Variants in SLC14A2 observed in about 807,000 individuals in gnomAD.
SLC14A2 encodes the protein urea transporter 2.
SLC14A2 carries 91 observed loss-of-function variants against 104.6 expected under a neutral mutation model. The ratio of observed to expected loss-of-function variants is 0.87; its 90% confidence interval spans 0.73 to 1.04. The LOEUF (loss-of-function observed/expected upper bound fraction) is 1.04, where lower values mean the gene tolerates loss of function less well. Ranked by LOEUF, SLC14A2 falls within the 50% of genes least tolerant of loss-of-function variation. The probability of loss-of-function intolerance (pLI) is 0.00; values close to 1 mark genes in which losing one functional copy is unlikely to be tolerated. For synonymous variants in SLC14A2, 476 were observed against 466.4 expected, an observed-to-expected ratio of 1.02 and a Z score of -0.27; for missense variants, 1,189 against 1,156.0, an observed-to-expected ratio of 1.03 and a Z score of -0.41.
At chr18:45,365,564 T>C (rs1349037535) in intron 1 of SLC14A2, among the ~76,000 whole-genome samples, 1 of 152,234 alleles carries the variant, frequency 6.6e-6, no homozygotes, top group East Asian at 1.9e-4. Flanking sequence ...TTCTTGGTCT[T>C]GGTTGTCTTC....
Position 45,403,830 on chromosome 18 carries a change from C to T in SLC14A2, c.-124-79403C>T, listed in dbSNP as rs148195527. 2.0e-5 allele frequency among the ~76,000 whole-genome samples: 3 copies of T among 151,828 alleles called. No individual in the cohort carries two copies. The East Asian group carries it at 5.8e-4, about 29-fold the overall frequency. Reference sequence around the variant, plus strand: ...GAGTCAGATTGCATCACCTAGCTCCCCTGCTTAAGATGCCTCAGTGACTCC... The same window carrying T: ...GAGTCAGATTGCATCACCTAGCTCCTCTGCTTAAGATGCCTCAGTGACTCC... On this transcript the variant is annotated intron_variant, in intron 1 of 20. Transcript: ENST00000586448.
Position 45,245,780 on chromosome 18 carries a change from T to A in SLC14A2, c.-125+32589T>A, listed in dbSNP as rs1188062114. On this transcript the variant is annotated intron_variant, in intron 1 of 20. Transcript: ENST00000586448. ...TACTATCCACTCACTCAGTCACCAA[T>A]CATCCATTTCTAATTATTCATTCAT... Among the ~76,000 whole-genome samples the A allele has an allele frequency of 2.0e-5, 3 of 152,238 alleles. No individual in the cohort carries two copies. The East Asian group carries it at 5.8e-4, about 29-fold the overall frequency.
the SLC14A2 span, among the ~76,000 whole-genome samples, chr18:45,197,397 G>A: frequency 6.7e-6 from 1 of 149,866 alleles, no homozygotes; most frequent in Admixed American, 6.6e-5. Flanking sequence ...AGTAAGAGAA[G>A]TGAGAGCCTA....
intron 18 of SLC14A2, 21 bp from the exon 19 acceptor site, chr18:45,678,954 C>CTTTTTTTT (rs72437878): frequency 1.1e-4 from 156 of 1,436,410 alleles, no homozygotes; most frequent in East Asian, 8.3e-4. Context: ...CTATTTCTTT[C>CTTTTTTTT]TTTTTTTTTT....
intron 1 of SLC14A2, among the ~76,000 whole-genome samples, chr18:45,370,652 G>A (rs1252077192): frequency 6.6e-6 from 1 of 152,082 alleles, no homozygotes; most frequent in Non-Finnish European, 1.5e-5. Context: ...CGCCCAGAAA[G>A]AGTGCACTTC....
At chr18:45,507,693 C>A (rs1422612625) in intron 2 of SLC14A2, among the ~76,000 whole-genome samples, 2 of 152,144 alleles carry the variant, frequency 1.3e-5, no homozygotes, top group African/African-American at 2.4e-5. Context: ...GCTTCTGCTG[C>A]CGTTTGGGGA....
intron 1 of SLC14A2, among the ~76,000 whole-genome samples, chr18:45,455,669 A>C (rs1352790677): frequency 4.0e-5 from 6 of 151,170 alleles, no homozygotes; most frequent in Non-Finnish European, 7.4e-5. Context: ...AAGTAAAAAA[A>C]AAATCTATTG....
rs541236432 is a variant in SLC14A2, at chr18:45,510,954, T to G, written c.-35+27632T>G. Among the ~76,000 whole-genome samples the G allele has an allele frequency of 5.9e-5, 9 of 152,338 alleles. No homozygotes were observed. The South Asian group carries it at 1.9e-3, about 32-fold the overall frequency. ...AAATGCTGTTATTTTTAATAAGACT[T>G]CTTTTTCCCCCTCCTCTCCTGAAAA... is the stretch of plus-strand genomic sequence containing the variant. On this transcript the variant is annotated intron_variant, in intron 2 of 20. Transcript: ENST00000586448.
intron 1 of SLC14A2, among the ~76,000 whole-genome samples, chr18:45,287,410 G>T (rs2084825323): frequency 6.6e-6 from 1 of 152,248 alleles, no homozygotes; most frequent in Admixed American, 6.5e-5. Context: ...AACCTAGTGT[G>T]CTGGTCAAGG....
chr18:45,579,572 T>A (rs548831836), intron 2 of SLC14A2, among the ~76,000 whole-genome samples: 27 of 152,256 alleles, frequency 1.8e-4, no homozygotes, highest in Non-Finnish European at 3.7e-4. Flanking sequence ...CAAACCTCTG[T>A]CTTTTTTAGG....
At chr18:45,457,856 C>T (rs1359530075) in intron 1 of SLC14A2, among the ~76,000 whole-genome samples, 1 of 152,096 alleles carries the variant, frequency 6.6e-6, no homozygotes, top group African/African-American at 2.4e-5. Context: ...ATCATGAGAG[C>T]AGCTACCCCC....
At chr18:45,222,512 G>A (rs1011905212) in intron 1 of SLC14A2, among the ~76,000 whole-genome samples, 1 of 152,186 alleles carries the variant, frequency 6.6e-6, no homozygotes, top group Admixed American at 6.5e-5. Context: ...GGTGAGAAAA[G>A]CTTGACAGAG....
At position 45,258,761 on chromosome 18, in the gene SLC14A2, T is replaced by C. The variant is rs2084505814; in HGVS notation, c.-125+45570T>C. On this transcript the variant is annotated intron_variant, in intron 1 of 20. Coordinates refer to the SLC14A2 transcript ENST00000586448. ...AATGCTTTGACCAGTACTGAGATCA[T>C]TGATCCCCATGACAGCTCAGTGAGG... 2.8e-5 allele frequency among the ~76,000 whole-genome samples: 3 copies of C among 106,054 alleles called. 1 individual carries two copies. The highest frequency in any genetic ancestry group is 4.4e-5 in the African/African-American group (1 of 22,488). 69.6% of individuals were successfully genotyped at this position (106,054 alleles called of 152,430 possible).
intron 1 of SLC14A2, among the ~76,000 whole-genome samples, chr18:45,469,332 G>A (rs1466213294): frequency 6.6e-6 from 1 of 152,190 alleles, no homozygotes; most frequent in Non-Finnish European, 1.5e-5. Context: ...GGAGACCCTG[G>A]AACAAAGGAG....
chr18:45,498,042 GTAAAA>G (rs2043129599), intron 2 of SLC14A2, among the ~76,000 whole-genome samples: 1 of 152,108 alleles, frequency 6.6e-6, no homozygotes, highest in Non-Finnish European at 1.5e-5. Context: ...GCCACTAAAA[GTAAAA>G]TAAGAGGAAG....
chr18:45,506,989 G>A (rs149216438), intron 2 of SLC14A2, among the ~76,000 whole-genome samples: 2 of 152,312 alleles, frequency 1.3e-5, no homozygotes, highest in East Asian at 3.9e-4. Flanking sequence ...ATATACCCTG[G>A]AGGAGGTCAC....
chr18:45,258,085 T>C (rs888119376), intron 1 of SLC14A2, among the ~76,000 whole-genome samples: 7 of 152,206 alleles, frequency 4.6e-5, no homozygotes, highest in Non-Finnish European at 5.9e-5. Context: ...CGTTTCATTC[T>C]CACCACCATC....
At chr18:45,584,402 T>A (rs1018415399) in intron 2 of SLC14A2, among the ~76,000 whole-genome samples, 7 of 152,224 alleles carry the variant, frequency 4.6e-5, no homozygotes, top group Admixed American at 6.5e-5. Context: ...AATTACCACA[T>A]ATTCTTTCCG....
At chr18:45,212,524 G>A (rs935631026), upstream of SLC14A2, among the ~76,000 whole-genome samples, 5 of 152,136 alleles carry the variant, frequency 3.3e-5, no homozygotes, top group African/African-American at 7.2e-5. Context: ...TACAGTACGC[G>A]CAAGAGAAGC....
Sources: allele counts gnomAD v4.1 joint callset (sites outside exome capture counted in the v4.1 genomes callset), GRCh38; gene constraint gnomAD v4.1.1; transcripts MANE v1.5; gene names NCBI Gene and HGNC (gene_info 2026-07-23, HGNC 2026-07-21).